SEPTIN9: variants seen among roughly 807,000 people sequenced by gnomAD.
The protein encoded by SEPTIN9 is septin-9.
A neutral mutation model predicts 56.6 loss-of-function variants in SEPTIN9; 13 were observed. The ratio of observed to expected loss-of-function variants is 0.23; its 90% CI spans 0.15 to 0.37. The LOEUF (loss-of-function observed/expected upper bound fraction) is 0.37, where lower values mean the gene tolerates loss of function less well. Ranked by LOEUF, SEPTIN9 falls within the 10% of genes least tolerant of loss-of-function variation. The pLI, the probability that SEPTIN9 is intolerant of heterozygous loss-of-function variation, is 1.00. For synonymous variants in SEPTIN9, 332 were observed against 334.1 expected (o/e 0.99, Z 0.07); for missense variants, 650 against 823.1 (o/e 0.79, Z 2.57).
chr17:77,321,140 C>T (rs1220828338), intron 2 of SEPTIN9, among the ~76,000 whole-genome samples: 1 of 152,224 alleles, frequency 6.6e-6, no homozygotes, highest in East Asian at 1.9e-4. Context: ...GCCGCTCATG[C>T]CGCCCTCTGA....
At chr17:77,293,128 C>T (rs1461594023) in intron 1 of SEPTIN9, among the ~76,000 whole-genome samples, 3 of 151,870 alleles carry the variant, frequency 2.0e-5, no homozygotes, top group South Asian at 4.2e-4. Context: ...GCGATCCTCC[C>T]TTCTCAGCCT....
chr17:77,486,521 TGCGCGCACGC>T (rs146172237), intron 4 of SEPTIN9, among the ~76,000 whole-genome samples: 2,186 of 120,042 alleles, frequency 0.018, 29 homozygotes, highest in Admixed American at 0.036. Flanking sequence ...TGTGTGTGTG[TGCGCGCACGC>T]GCGCGCGTGT....
chr17:77,465,266 T>G (rs1328000493), intron 3 of SEPTIN9, among the ~76,000 whole-genome samples: 3 of 152,226 alleles, frequency 2.0e-5, no homozygotes, highest in African/African-American at 7.2e-5. Context: ...TGTTTCTGCT[T>G]TTTGGCATAA....
At chr17:77,391,644 C>T (rs1247521350) in intron 2 of SEPTIN9, among the ~76,000 whole-genome samples, 1 of 152,226 alleles carries the variant, frequency 6.6e-6, no homozygotes, top group Admixed American at 6.5e-5. Flanking sequence ...TTGGGGGACA[C>T]TGTTGAACCC....
chr17:77,493,203 A>T, intron 10 of SEPTIN9, 127 bp downstream of exon 10: 1 of 704,480 alleles, frequency 1.4e-6, no homozygotes, highest in Non-Finnish European at 2.5e-6. Flanking sequence ...CCCCACCCAG[A>T]GGGAGGGGTC....
chr17:77,360,384 C>G (rs920522048), intron 2 of SEPTIN9, among the ~76,000 whole-genome samples: 2 of 152,192 alleles, frequency 1.3e-5, no homozygotes, highest in Non-Finnish European at 1.5e-5. Flanking sequence ...GCTGCCTGAG[C>G]GTTTTATCCA....
rs2035464525 is a variant in SEPTIN9, at chr17:77,389,709, C to A, written c.77-12350C>A. 6.6e-6 allele frequency among the ~76,000 whole-genome samples: 1 copy of A among 152,098 alleles called. No individual in the cohort carries two copies. The highest frequency in any genetic ancestry group is 2.4e-5 in the African/African-American group (1 of 41,426). ...CACCAGGGACGGAGGGTGGGCGGCC[C>A]TCCCACCCAGGCCCTGGCGGCCCCA... is the stretch of plus-strand genomic sequence containing the variant. On this transcript the variant is annotated intron_variant, in intron 2 of 11. Coordinates refer to ENST00000427177, the MANE Select transcript of SEPTIN9 (RefSeq NM_001113491.2). The surrounding 1 kb of genome is among the most constrained non-coding windows in gnomAD (Gnocchi z 4.3).
chr17:77,444,282 G>A (rs1167916934), intron 3 of SEPTIN9, among the ~76,000 whole-genome samples: 1 of 152,218 alleles, frequency 6.6e-6, no homozygotes, highest in East Asian at 1.9e-4. Context: ...AGCGGGAGGG[G>A]TCCTCCAGCA....
In SEPTIN9 at chr17:77,429,621, G is replaced by T. The variant is rs2037052486; in HGVS notation, c.721+26918G>T. ...TGGAGGAAGAAGGGCTTAGGGTGCT[G>T]GTGTGGAGTTTGCACAGATGGGGAT... On this transcript the variant is annotated intron_variant, in intron 3 of 11. Coordinates refer to ENST00000427177, the MANE Select transcript of SEPTIN9 (RefSeq NM_001113491.2). The surrounding 1 kb of genome is among the most constrained non-coding windows in gnomAD (Gnocchi z 5.2). Among the ~76,000 whole-genome samples the T allele has an allele frequency of 6.6e-6, 1 of 152,196 alleles. No individual in the cohort carries two copies. The highest frequency in any genetic ancestry group is 1.5e-5 in the Non-Finnish European group (1 of 68,026).
chr17:77,402,033 T>C lies in SEPTIN9; in HGVS notation c.77-26T>C. The C allele has an allele frequency of 6.2e-7, 1 of 1,603,278 alleles. No homozygotes were observed. The highest frequency in any genetic ancestry group is 8.5e-7 in the Non-Finnish European group (1 of 1,172,544). On this transcript the variant is annotated intron_variant, in intron 2 of 11. Transcript: ENST00000427177. The surrounding 1 kb of genome is among the most constrained non-coding windows in gnomAD (Gnocchi z 6.6). ...TGTTCCCTAGCCATCCATTCACCAA[T>C]TGCATCCCCTCTCTTTATTTTTCAG... is the stretch of plus-strand genomic sequence containing the variant.
chr17:77,415,336 G>T (rs1242905084), intron 3 of SEPTIN9, among the ~76,000 whole-genome samples: 2 of 152,168 alleles, frequency 1.3e-5, no homozygotes, highest in Non-Finnish European at 1.5e-5. Flanking sequence ...GCCAGGCGTG[G>T]TGCCTCACAC....
At position 77,400,660 on chromosome 17, in the gene SEPTIN9, T is replaced by G. The variant is rs1371849405; in HGVS notation, c.77-1399T>G. 1.3e-5 allele frequency: 2 copies of G among 152,342 alleles called. No homozygotes were observed. The highest frequency in any genetic ancestry group is 2.9e-5 in the Non-Finnish European group (2 of 68,184). The allele number at this position is 152,342 out of a possible 1,614,324, so 9.4% of individuals were successfully genotyped here. ...GGGCTGGGGACCAGCTGTCATCCCTTTTCCTGTGGGCAGGGGAGGCAGTGG... is the reference window on the plus strand; with the variant it reads ...GGGCTGGGGACCAGCTGTCATCCCTGTTCCTGTGGGCAGGGGAGGCAGTGG... On this transcript the variant is annotated intron_variant, in intron 2 of 11. Transcript: ENST00000427177. The surrounding 1 kb of genome is among the most constrained non-coding windows in gnomAD (Gnocchi z 4.1).
intron 2 of SEPTIN9, among the ~76,000 whole-genome samples, chr17:77,365,946 G>A (rs763108128): frequency 6.6e-6 from 1 of 152,156 alleles, no homozygotes; most frequent in Non-Finnish European, 1.5e-5. Context: ...CTGCATCGGT[G>A]GCAAGTTGCC....
rs1359074052 is a variant in SEPTIN9, at chr17:77,482,237, C to A, written c.815C>A (p.Ala272Asp). Residue 272 changes from alanine (A) to aspartate (D), a missense_variant, in exon 4 of 12, where the codon GCC becomes GAC. Around this residue, in one of 2 missense-constraint regions of SEPTIN9, gnomAD observed 333 missense variants for 494.0 expected, o/e 0.67. Transcript: ENST00000427177. The stretch of plus-strand genomic sequence containing the variant: ...GCGCCTGCATCACGGAACGAGAAGG[C>A]CCCGGTGGACTTCGGCTACGTGGGG... ...KQAPASRNEK[A>D]PVDFGYVGID... The A allele has an allele frequency of 1.2e-6, 2 of 1,612,894 alleles. No individual in the cohort carries two copies. Among genetic ancestry groups the A allele is most frequent in the South Asian group, 2.2e-5 (2 of 91,084 alleles).
rs117767295 is a variant in SEPTIN9 at position 77,439,303 on chromosome 17, C to T, written c.721+36600C>T. 4.5e-4 allele frequency among the ~76,000 whole-genome samples: 69 copies of T among 152,258 alleles called. No individual in the cohort carries two copies. In the East Asian group the frequency reaches 0.013, roughly 28 times the overall value. ...TGTATCCAGGTGCTGGAGCCTCTGGCCACTTCCTGCAGGAACCAGGTGACC... is the reference window on the plus strand; with the variant it reads ...TGTATCCAGGTGCTGGAGCCTCTGGTCACTTCCTGCAGGAACCAGGTGACC... On this transcript the variant is annotated intron_variant, in intron 3 of 11. Coordinates refer to ENST00000427177, the MANE Select transcript of SEPTIN9 (RefSeq NM_001113491.2).
Position 77,425,008 on chromosome 17 carries a change from C to G in SEPTIN9, c.721+22305C>G, listed in dbSNP as rs1023579078. Among the ~76,000 whole-genome samples, 9 of 152,204 alleles carry G rather than the reference C, an allele frequency of 5.9e-5. No individual in the cohort carries two copies. The highest frequency in any genetic ancestry group is 8.8e-5 in the Non-Finnish European group (6 of 68,032). On this transcript the variant is annotated intron_variant, in intron 3 of 11. Coordinates refer to ENST00000427177, the MANE Select transcript of SEPTIN9 (RefSeq NM_001113491.2). This position sits in a 1 kb window ranked among gnomAD's most constrained non-coding sequence, Gnocchi z 4.2. Reference sequence around the variant, plus strand: ...GTAGGGTGAGGGTAACCAGGACTTACGCATAGTTGGGCGAAGTCGAGTGAC... The same window carrying G: ...GTAGGGTGAGGGTAACCAGGACTTAGGCATAGTTGGGCGAAGTCGAGTGAC...
chr17:77,453,605 C>CAAAAA lies in SEPTIN9; in HGVS notation c.722-28526_722-28522dup, dbSNP rs35634675. On this transcript the variant is annotated intron_variant, in intron 3 of 11. Coordinates refer to ENST00000427177, the MANE Select transcript of SEPTIN9 (RefSeq NM_001113491.2). This position sits in a 1 kb window ranked among gnomAD's most constrained non-coding sequence, Gnocchi z 4.4. The stretch of plus-strand genomic sequence containing the variant: ...GGGCAACAAGAGTGAAACTCTGTCT[C>CAAAAA]AAAAAAAAAAAAAAAAAGCCTTATC... 1.2e-5 allele frequency among the ~76,000 whole-genome samples: 1 copy of CAAAAA among 81,178 alleles called. No homozygotes were observed. The highest frequency in any genetic ancestry group is 4.3e-5 in the African/African-American group (1 of 23,520). The allele number at this position is 81,178 out of a possible 152,430, so 53.3% of individuals were successfully genotyped here. A position where few individuals can be genotyped will look rare whatever the true frequency, so the allele number is the denominator to read the frequency against.
In SEPTIN9 at chr17:77,475,451, C is replaced by G. The variant is rs1416173719; in HGVS notation, c.722-6693C>G. On this transcript the variant is annotated intron_variant, in intron 3 of 11. Coordinates refer to ENST00000427177, the MANE Select transcript of SEPTIN9 (RefSeq NM_001113491.2). This position sits in a 1 kb window ranked among gnomAD's most constrained non-coding sequence, Gnocchi z 4.6. The stretch of plus-strand genomic sequence containing the variant: ...GCATTGCCTGCATCAGGGACTCACT[C>G]AGCTTTAAGAAGCCCCTTTGTGGGG... 9.1e-6 allele frequency: 14 copies of G among 1,539,102 alleles called. No individual in the cohort carries two copies. Among genetic ancestry groups the G allele is most frequent in the Non-Finnish European group, 1.1e-5 (13 of 1,146,518 alleles).
At position 77,330,169 on chromosome 17, in the gene SEPTIN9, T is replaced by C. The variant is rs2033294108; in HGVS notation, c.76+22972T>C. Among the ~76,000 whole-genome samples, 1 of 152,214 alleles carries C rather than the reference T, an allele frequency of 6.6e-6. No homozygotes were observed. Among genetic ancestry groups the C allele is most frequent in the Non-Finnish European group, 1.5e-5 (1 of 68,030 alleles). ...TGTGATCGCTGGGTGTTCCTGATGC[T>C]CTGTCCCCTCTGCGTCCTGTGCCGT... is the stretch of plus-strand genomic sequence containing the variant. On this transcript the variant is annotated intron_variant, in intron 2 of 11. Transcript: ENST00000427177. The surrounding 1 kb of genome is among the most constrained non-coding windows in gnomAD (Gnocchi z 4.4).
Sources: gnomAD v4.1 joint callset for allele counts (sites outside exome capture counted in the v4.1 genomes callset) on GRCh38, gnomAD v4.1.1 for gene constraint, gnomAD v4.1.1 regional missense constraint, Gnocchi (gnomAD v3.1) non-coding constraint, MANE v1.5 for transcripts, NCBI Gene and HGNC (gene_info 2026-07-23, HGNC 2026-07-21) for gene names.